The following GAS7 variants were observed in gnomAD, a reference collection of about 807,000 sequenced individuals.
GAS7 encodes growth arrest specific 7, also known as growth arrest-specific protein 7.
A neutral mutation model predicts 71.1 loss-of-function variants in GAS7; 28 were observed. The ratio of observed to expected loss-of-function variants is 0.39; its 90% CI spans 0.29 to 0.54. The LOEUF is 0.54. Among genes scored for constraint, GAS7 ranks in the 20% least tolerant of loss-of-function variants. The pLI, the probability that GAS7 is intolerant of heterozygous loss-of-function variation, is 0.62. For missense variants in GAS7, 436 were observed against 627.8 expected (o/e 0.69, Z 3.27); for synonymous variants, 258 against 245.8 (o/e 1.05, Z -0.46).
chr17:10,189,891 A>G (rs2074484672), intron 1 of GAS7, among the ~76,000 whole-genome samples: 1 of 151,434 alleles, frequency 6.6e-6, no homozygotes, highest in African/African-American at 2.4e-5. Context: ...GTGAGCCGAG[A>G]TCACACCACT....
intron 1 of GAS7, among the ~76,000 whole-genome samples, chr17:10,033,775 G>C (rs1181828669): frequency 1.3e-5 from 2 of 152,216 alleles, no homozygotes; most frequent in Non-Finnish European, 2.9e-5. Context: ...CCAGTTGCTG[G>C]CTGGAGTGGC....
chr17:9,978,840 T>G (rs536829090), intron 3 of GAS7, among the ~76,000 whole-genome samples: 1 of 152,294 alleles, frequency 6.6e-6, no homozygotes, highest in Admixed American at 6.5e-5. Flanking sequence ...TGGGAACCCT[T>G]GAGCAGCGCT....
intron 11 of GAS7, among the ~76,000 whole-genome samples, chr17:9,924,314 A>G (rs1378247778): frequency 6.6e-6 from 1 of 152,122 alleles, no homozygotes; most frequent in Admixed American, 6.5e-5. Flanking sequence ...CTGATTCTAC[A>G]GGCATGCACC....
Position 9,945,039 on chromosome 17 carries a change from C to T in GAS7, c.616-1803G>A, listed in dbSNP as rs188763937. On this transcript the variant is annotated intron_variant, in intron 6 of 13. Transcript: ENST00000432992. ...AAGATAAGAACTCACAAGTGTCGCC[C>T]TCCGGATGCTGCTGGATGCAGGCGG... Among the ~76,000 whole-genome samples the T allele has an allele frequency of 2.0e-5, 3 of 152,222 alleles. No homozygotes were observed. In the East Asian group the frequency reaches 5.8e-4, roughly 29 times the overall value.
At chr17:10,166,885 T>C (rs1038791099) in intron 1 of GAS7, among the ~76,000 whole-genome samples, 2 of 152,050 alleles carry the variant, frequency 1.3e-5, no homozygotes, top group Non-Finnish European at 2.9e-5. Flanking sequence ...CGCAGGCACA[T>C]TCGATCAAAG....
At position 9,921,312 on chromosome 17, in the gene GAS7, A is replaced by G. The variant is rs796102687; in HGVS notation, c.1139-1607T>C. 7.3e-5 allele frequency among the ~76,000 whole-genome samples: 11 copies of G among 151,220 alleles called. No homozygotes were observed. In the South Asian group the frequency reaches 1.3e-3, roughly 17 times the overall value. On this transcript the variant is annotated intron_variant, in intron 11 of 13. Coordinates refer to ENST00000432992, the MANE Select transcript of GAS7 (RefSeq NM_201433.2). ...GCTGGTACCACAGGCATGCGCCACC[A>G]CCCCTGGCTAGTTTTTGTATTTTTA...
chr17:10,187,944 A>G (rs1449536466), intron 1 of GAS7, among the ~76,000 whole-genome samples: 1 of 152,220 alleles, frequency 6.6e-6, no homozygotes, highest in Non-Finnish European at 1.5e-5. Context: ...CCACAAAGAC[A>G]TTTAGCATCA....
chr17:10,174,136 G>C (rs1432664959), intron 1 of GAS7, among the ~76,000 whole-genome samples: 3 of 152,184 alleles, frequency 2.0e-5, no homozygotes, highest in Non-Finnish European at 4.4e-5. Flanking sequence ...GCCTCATTAA[G>C]CAAACCCTCT....
At chr17:10,003,383 T>C (rs923973922) in intron 2 of GAS7, among the ~76,000 whole-genome samples, 23 of 152,284 alleles carry the variant, frequency 1.5e-4, no homozygotes, top group South Asian at 2.1e-4. Context: ...AACAGTGACA[T>C]TGTCTGTACC....
intron 1 of GAS7, among the ~76,000 whole-genome samples, chr17:10,083,614 T>C (rs924708267): frequency 1.3e-5 from 2 of 152,160 alleles, no homozygotes; most frequent in East Asian, 1.9e-4. Flanking sequence ...GCACTGAACA[T>C]TGAAGTGTGA....
At chr17:10,140,123 C>T (rs1378264305) in intron 1 of GAS7, among the ~76,000 whole-genome samples, 1 of 152,180 alleles carries the variant, frequency 6.6e-6, no homozygotes, top group African/African-American at 2.4e-5. Context: ...ACTACTTAGC[C>T]AGCCCCACAA....
chr17:9,964,314 C>T (rs976203707), intron 4 of GAS7, among the ~76,000 whole-genome samples: 3 of 152,150 alleles, frequency 2.0e-5, no homozygotes, highest in Non-Finnish European at 4.4e-5. Flanking sequence ...CATTTCCTCC[C>T]CCCCTGCAAA....
chr17:9,943,042 G>T, intron 7 of GAS7, 79 bp downstream of exon 7: 1 of 852,928 alleles, frequency 1.2e-6, no homozygotes, highest in Non-Finnish European at 2.0e-6. Flanking sequence ...TGAGTCCTGT[G>T]CTGTCGCCCC....
At chr17:9,922,327 C>G (rs1490464836) in intron 11 of GAS7, among the ~76,000 whole-genome samples, 1 of 152,154 alleles carries the variant, frequency 6.6e-6, no homozygotes, top group Non-Finnish European at 1.5e-5. Context: ...ATTTCCTGAG[C>G]AACAGGCTGT....
At position 9,912,281 on chromosome 17, in the gene GAS7, G is replaced by A. The variant is rs906239772; in HGVS notation, c.*4947C>T. ...TGCACGATTGTGCAGATGAGAGCCA[G>A]ACACAGCATGAACACGTGTACAGGG... On this transcript the variant is annotated 3_prime_UTR_variant, in exon 14 of 14. Transcript: ENST00000432992. 4.3e-6 allele frequency: 1 copy of A among 232,884 alleles called. No homozygotes were observed. Among genetic ancestry groups the A allele is most frequent in the Non-Finnish European group, 8.5e-6 (1 of 117,876 alleles). 14.4% of individuals were successfully genotyped at this position (232,884 alleles called of 1,614,324 possible). A position where few individuals can be genotyped will look rare whatever the true frequency, so the allele number is the denominator to read the frequency against.
chr17:10,078,007 T>C (rs1223951347), intron 1 of GAS7, among the ~76,000 whole-genome samples: 2 of 152,090 alleles, frequency 1.3e-5, no homozygotes, highest in Non-Finnish European at 2.9e-5. Context: ...GATTATTTTA[T>C]GTGGTGATAG....
chr17:10,166,011 C>CTTTTTTTTT (rs11356429), intron 1 of GAS7, among the ~76,000 whole-genome samples: 3 of 143,158 alleles, frequency 2.1e-5, no homozygotes, highest in African/African-American at 2.6e-5. Flanking sequence ...TTTTCTTTTT[C>CTTTTTTTTT]TTTTTTTTTT....
chr17:10,194,217 C>T (rs2074523407), intron 1 of GAS7, among the ~76,000 whole-genome samples: 1 of 152,222 alleles, frequency 6.6e-6, no homozygotes, highest in Non-Finnish European at 1.5e-5. Flanking sequence ...TCTAAGAATA[C>T]CACCTAGTTC....
chr17:10,105,551 C>T (rs1308179225), intron 1 of GAS7, among the ~76,000 whole-genome samples: 1 of 152,152 alleles, frequency 6.6e-6, no homozygotes, highest in African/African-American at 2.4e-5. Context: ...TCTTGCATGA[C>T]ACTTTTGCAC....
Sources: allele counts gnomAD v4.1 joint callset (sites outside exome capture counted in the v4.1 genomes callset), GRCh38; gene constraint gnomAD v4.1.1; transcripts MANE v1.5; gene names NCBI Gene and HGNC (gene_info 2026-07-23, HGNC 2026-07-21).